WNK2: variants seen among roughly 807,000 people sequenced by gnomAD.
WNK2 encodes serine/threonine-protein kinase WNK2.
WNK2 carries 67 observed loss-of-function variants against 192.1 expected under a neutral mutation model. The ratio of observed to expected loss-of-function variants is 0.35; its 90% CI spans 0.29 to 0.43. The LOEUF (loss-of-function observed/expected upper bound fraction) is 0.43. Among genes scored for constraint, WNK2 ranks in the 20% least tolerant of loss-of-function variants. The pLI, the probability that WNK2 is intolerant of heterozygous loss-of-function variation, is 1.00. For synonymous variants in WNK2, 1,439 were observed against 1,393.9 expected (o/e 1.03, Z -0.72); for missense variants, 2,698 against 3,089.7 (o/e 0.87, Z 3.01).
intron 26 of WNK2, among the ~76,000 whole-genome samples, chr9:93,302,661 A>T (rs1487750891): frequency 6.6e-6 from 1 of 152,226 alleles, no homozygotes; most frequent in African/African-American, 2.4e-5. Flanking sequence ...GCGGGTGCCC[A>T]GGTGGCTGTG....
At chr9:93,209,036 G>C (rs1833996177) in intron 2 of WNK2, among the ~76,000 whole-genome samples, 1 of 152,204 alleles carries the variant, frequency 6.6e-6, no homozygotes, top group South Asian at 2.1e-4. Context: ...ATCGGACCAA[G>C]AGGTTGCAGC....
intron 19 of WNK2, among the ~76,000 whole-genome samples, chr9:93,284,476 A>C (rs576743576): frequency 8.5e-5 from 13 of 152,348 alleles, no homozygotes; most frequent in Non-Finnish European, 1.9e-4. Flanking sequence ...CAAACAAAAC[A>C]AAACCAGCAA....
At position 93,185,220 on chromosome 9, in the gene WNK2, G is replaced by T. The variant is rs1314816609; in HGVS notation, c.291G>T (p.Ala97=). ...ERARGRPAAP[A]PAALVAQPGA... ...CCCGCGGACGCCCCGCCGCCCCCGC[G>T]CCCGCAGCGCTGGTAGCGCAGCCGG... Residue 97 remains alanine (A), a synonymous_variant, in exon 2 of 30, where the codon GCG becomes GCT. Transcript: ENST00000427277. 5.8e-5 allele frequency: 68 copies of T among 1,176,660 alleles called. No homozygotes were observed. In the East Asian group the frequency reaches 2.2e-3, roughly 38 times the overall value. 72.9% of individuals were successfully genotyped at this position (1,176,660 alleles called of 1,614,324 possible).
chr9:93,251,984 T>G (rs963636699), intron 8 of WNK2, among the ~76,000 whole-genome samples: 16 of 152,270 alleles, frequency 1.1e-4, no homozygotes, highest in African/African-American at 3.4e-4. Context: ...ATTTCCCTTT[T>G]GTTTAAATTA....
chr9:93,238,339 GC>G lies in WNK2; in HGVS notation c.1322+19del, dbSNP rs552127058. ...GAGGAAAGGTGAGTTCCCCTGAAGG[GC>G]TGGGTTCTGGGGTCCATCTCCAGCT... On this transcript the variant is annotated intron_variant, in intron 6 of 29. Transcript: ENST00000427277. The G allele has an allele frequency of 7.8e-4, 1,253 of 1,606,228 alleles. 15 individuals carry two copies. The African/African-American group carries it at 0.015, about 20-fold the overall frequency.
rs776503070 is a variant in WNK2, at chr9:93,299,253, G to A, written c.6107G>A (p.Arg2036His). 13 of 1,561,874 alleles carry A rather than the reference G, an allele frequency of 8.3e-6. No homozygotes were observed. The highest frequency in any genetic ancestry group is 3.4e-4 in the Middle Eastern group (2 of 5,874). ...TTAGCCAGTGATGGAGGCGGAGCGCGTGGCCAAGGTGATTTCCAGCTTGCC... is the reference window on the plus strand; with the variant it reads ...TTAGCCAGTGATGGAGGCGGAGCGCATGGCCAAGGTGATTTCCAGCTTGCC... ...SGLASDGGGA[R>H]GQGWTVYHPT... The change falls in exon 25 of 30, where the codon CGT becomes CAT. Residue 2036 changes from arginine (R) to histidine (H), a missense_variant. By Grantham distance (29) the Arg-to-His change is conservative. Around this residue, in one of 7 missense-constraint regions of WNK2, gnomAD observed 1,098 missense variants for 1,101.0 expected, o/e 1.00. Coordinates refer to ENST00000427277, the MANE Select transcript of WNK2 (RefSeq NM_006648.4).
intron 2 of WNK2, among the ~76,000 whole-genome samples, chr9:93,212,478 TAAACCCTGGCTATG>T (rs1223552033): frequency 6.6e-6 from 1 of 152,230 alleles, no homozygotes; most frequent in Non-Finnish European, 1.5e-5. Flanking sequence ...CCTTCCAGGA[TAAACCCTGGCTATG>T]TTGTTTCTGC....
In WNK2 at chr9:93,289,081, C is replaced by G; in HGVS notation, c.4327C>G (p.Pro1443Ala). The change falls in exon 20 of 30, where the codon CCG (proline) becomes GCG (alanine). Residue 1443 changes from proline to alanine, a missense_variant. Coordinates refer to ENST00000427277, the MANE Select transcript of WNK2 (RefSeq NM_006648.4). The stretch of plus-strand genomic sequence containing the variant: ...GCCACTAGCGGAGACTCACGAGGCC[C>G]CGCTTGCTGTGCAGCCCCTCGTGGT... ...SQPLAETHEA[P>A]LAVQPLVVGL... The G allele has an allele frequency of 6.2e-7, 1 of 1,607,964 alleles. No homozygotes were observed. Among genetic ancestry groups the G allele is most frequent in the Non-Finnish European group, 8.5e-7 (1 of 1,177,682 alleles).
rs1829028813 is a variant in WNK2 at position 93,185,012 on chromosome 9, A to G, written c.83A>G (p.Glu28Gly). ...GRGAGPAGMA[E>G]PRAKAARPGP... ...GGCGCGGGGCCCGCGGGCATGGCGG[A>G]GCCTCGGGCGAAGGCGGCGCGGCCG... Residue 28 changes from glutamate (E) to glycine (G), a missense_variant, in exon 2 of 30, where the codon GAG becomes GGG. Coordinates refer to ENST00000427277, the MANE Select transcript of WNK2 (RefSeq NM_006648.4). 8.0e-7 allele frequency: 1 copy of G among 1,246,796 alleles called. No individual in the cohort carries two copies. Among genetic ancestry groups the G allele is most frequent in the South Asian group, 3.4e-5 (1 of 29,538 alleles). 77.2% of individuals were successfully genotyped at this position (1,246,796 alleles called of 1,614,324 possible). A position where few individuals can be genotyped will look rare whatever the true frequency, so the allele number is the denominator to read the frequency against.
intron 28 of WNK2, among the ~76,000 whole-genome samples, chr9:93,313,397 T>TA (rs202199137): frequency 0.12 from 17,879 of 144,014 alleles, 1,114 homozygotes; most frequent in Middle Eastern, 0.16. Flanking sequence ...CCTGTATCTT[T>TA]AAAAAAAAAA....
At chr9:93,306,051 G>A (rs184232406) in intron 26 of WNK2, among the ~76,000 whole-genome samples, 34 of 152,338 alleles carry the variant, frequency 2.2e-4, no homozygotes, top group African/African-American at 7.7e-4. Flanking sequence ...TATACCAGGT[G>A]CCCTCTGGGT....
At chr9:93,216,927 G>A (rs941784089) in intron 2 of WNK2, among the ~76,000 whole-genome samples, 3 of 152,060 alleles carry the variant, frequency 2.0e-5, no homozygotes, top group African/African-American at 7.2e-5. Flanking sequence ...TGTTTTTGAT[G>A]TGAATCAATA....
chr9:93,311,029 T>C (rs1401727843), intron 28 of WNK2, among the ~76,000 whole-genome samples: 1 of 152,204 alleles, frequency 6.6e-6, no homozygotes, highest in East Asian at 1.9e-4. Context: ...CTTTTTATTG[T>C]GTGAAACTCT....
In WNK2 at chr9:93,234,955, A is replaced by G; in HGVS notation, c.1223A>G (p.Lys408Arg). 5 of 1,614,088 alleles carry G rather than the reference A, an allele frequency of 3.1e-6. No individual in the cohort carries two copies. The highest frequency in any genetic ancestry group is 2.2e-5 in the East Asian group (1 of 44,892). ...CAGAATGCGGCCCAGATCTACCGCA[A>G]GGTCACCTGTGTGAGTCCACCTGGC... is the stretch of plus-strand genomic sequence containing the variant. ...ECQNAAQIYR[K>R]VTCGIKPASF... Residue 408 changes from lysine (K) to arginine (R), a missense_variant, in exon 5 of 30, where the codon AAG becomes AGG. Lys to Arg is a conservative substitution (Grantham distance 26). Coordinates refer to ENST00000427277, the MANE Select transcript of WNK2 (RefSeq NM_006648.4).
intron 26 of WNK2, among the ~76,000 whole-genome samples, chr9:93,300,786 GCCTCCCCAGCC>G (rs1851470758): frequency 6.6e-6 from 1 of 152,148 alleles, no homozygotes; most frequent in Non-Finnish European, 1.5e-5. Context: ...TCCAGTTCGG[GCCTCCCCAGCC>G]CCTCCCCACT....
At chr9:93,303,519 C>T (rs552454410) in intron 26 of WNK2, among the ~76,000 whole-genome samples, 30 of 152,330 alleles carry the variant, frequency 2.0e-4, no homozygotes, top group African/African-American at 7.0e-4. Flanking sequence ...GCTTTCATCC[C>T]TCCCGGTGGG....
In WNK2 at chr9:93,257,094, G is replaced by C; in HGVS notation, c.2337G>C (p.Gln779His). ...CCCCCGCTCAGCTGAAGCCCCTCCA[G>C]ATGCCACAGGCGCCCCTGCAGCCGC... The part of the protein sequence containing the change: ...VGAPAQLKPL[Q>H]MPQAPLQPLA... Residue 779 changes from glutamine (Q) to histidine (H), a missense_variant, in exon 11 of 30, where the codon CAG (glutamine) becomes CAC (histidine). Coordinates refer to ENST00000427277, the MANE Select transcript of WNK2 (RefSeq NM_006648.4). The surrounding 1 kb of genome is among the most constrained non-coding windows in gnomAD (Gnocchi z 4.7). 1 of 1,608,644 alleles carries C rather than the reference G, an allele frequency of 6.2e-7. No homozygotes were observed. Among genetic ancestry groups the C allele is most frequent in the Non-Finnish European group, 8.5e-7 (1 of 1,178,972 alleles).
intron 3 of WNK2, among the ~76,000 whole-genome samples, chr9:93,230,539 C>A (rs1216021308): frequency 6.6e-6 from 1 of 152,232 alleles, no homozygotes; most frequent in African/African-American, 2.4e-5. Context: ...CACCCCCTCA[C>A]CTGAGCATCT....
chr9:93,302,891 A>C (rs1322969108), intron 26 of WNK2, among the ~76,000 whole-genome samples: 1 of 149,894 alleles, frequency 6.7e-6, no homozygotes, highest in African/African-American at 2.4e-5. Flanking sequence ...TGCTGTGGGG[A>C]GCTCACATGA....
Sources: allele counts gnomAD v4.1 joint callset (sites outside exome capture counted in the v4.1 genomes callset), GRCh38; gene constraint gnomAD v4.1.1; regional missense constraint gnomAD v4.1.1; non-coding constraint Gnocchi (gnomAD v3.1); transcripts MANE v1.5; gene names NCBI Gene and HGNC (gene_info 2026-07-23, HGNC 2026-07-21).